Variants in NEDD4 observed in about 807,000 individuals in gnomAD.
NEDD4 encodes E3 ubiquitin-protein ligase NEDD4.
Under a neutral mutation model 144.9 loss-of-function variants are expected in NEDD4, and 99 were observed. The observed-to-expected ratio is 0.68, with a 90% CI of 0.58 to 0.81. The LOEUF is 0.81. NEDD4 is among the 30% of genes least tolerant of loss of function. NEDD4 has a pLI of 0.00. For synonymous variants in NEDD4, 318 were observed against 350.6 expected (o/e 0.91, Z 1.04); for missense variants, 985 against 1,065.9 (o/e 0.92, Z 1.06).
At chr15:55,986,754 T>A (rs1310968227) in intron 1 of NEDD4, among the ~76,000 whole-genome samples, 1 of 86,496 alleles carries the variant, frequency 1.2e-5, no homozygotes, top group African/African-American at 6.7e-5. Flanking sequence ...CACACCCGGC[T>A]AATTTTTTTT....
chr15:55,905,102 A>AAG, intron 5 of NEDD4: 2 of 324,386 alleles, frequency 6.2e-6, no homozygotes, highest in Non-Finnish European at 6.0e-6. Flanking sequence ...CAAAAAAAAA[A>AAG]AAAAGAAAAG....
intron 4 of NEDD4, among the ~76,000 whole-genome samples, chr15:55,926,462 T>G (rs1184624055): frequency 6.6e-6 from 1 of 151,932 alleles, no homozygotes; most frequent in Non-Finnish European, 1.5e-5. Flanking sequence ...CTAGACAACA[T>G]GGGGAGGGAA....
At chr15:55,890,570 C>G (rs572031584) in intron 5 of NEDD4, among the ~76,000 whole-genome samples, 5 of 152,186 alleles carry the variant, frequency 3.3e-5, no homozygotes, top group African/African-American at 1.2e-4. Flanking sequence ...TTTTATTTAT[C>G]CATTTTTCAG....
At chr15:55,894,887 A>C (rs867907258) in intron 5 of NEDD4, among the ~76,000 whole-genome samples, 4 of 152,338 alleles carry the variant, frequency 2.6e-5, no homozygotes, top group South Asian at 4.1e-4. Context: ...TTCTAAAGTT[A>C]AAATGTAATA....
chr15:55,844,276 TAAG>T (rs1456530578), intron 18 of NEDD4, among the ~76,000 whole-genome samples: 1 of 152,080 alleles, frequency 6.6e-6, no homozygotes, highest in Non-Finnish European at 1.5e-5. Context: ...TGAATGCAGT[TAAG>T]AAGAGAGTTT....
intron 13 of NEDD4, among the ~76,000 whole-genome samples, chr15:55,851,638 G>A (rs1393086831): frequency 6.6e-6 from 1 of 151,826 alleles, no homozygotes; most frequent in Non-Finnish European, 1.5e-5. Context: ...CACCACGCCT[G>A]GCTAATTTTT....
chr15:55,909,869 G>A (rs912003784), intron 5 of NEDD4, among the ~76,000 whole-genome samples: 1 of 152,128 alleles, frequency 6.6e-6, no homozygotes, highest in East Asian at 1.9e-4. Context: ...GCTCTATTTT[G>A]TCTCGTCTTA....
At position 55,850,580 on chromosome 15, in the gene NEDD4, G is replaced by C; in HGVS notation, c.1309C>G (p.Pro437Ala). The C allele has an allele frequency of 6.2e-7, 1 of 1,614,108 alleles. No individual in the cohort carries two copies. Among genetic ancestry groups the C allele is most frequent in the Non-Finnish European group, 8.5e-7 (1 of 1,180,022 alleles). Reference sequence around the variant, plus strand: ...TTAGTGTTGTGGTCAATAAAGAAAGGCCTCCCATTTGGTGCATGCCGGACT... The same window carrying C: ...TTAGTGTTGTGGTCAATAAAGAAAGCCCTCCCATTTGGTGCATGCCGGACT... ...WEVRHAPNGR[P>A]FFIDHNTKTT... The change falls in exon 14 of 29, where the codon CCT becomes GCT. Residue 437 changes from proline to alanine, a missense_variant. Pro to Ala is a conservative substitution (Grantham distance 27, BLOSUM62 -1). Coordinates refer to ENST00000435532, the MANE Select transcript of NEDD4 (RefSeq NM_006154.4).
At chr15:55,975,498 A>C (rs2037684076) in intron 1 of NEDD4, among the ~76,000 whole-genome samples, 1 of 152,198 alleles carries the variant, frequency 6.6e-6, no homozygotes. Context: ...ACAATCTGAA[A>C]AAGAAATCAA....
At chr15:55,857,534 G>A (rs1354619591) in intron 11 of NEDD4, among the ~76,000 whole-genome samples, 3 of 152,074 alleles carry the variant, frequency 2.0e-5, no homozygotes, top group Non-Finnish European at 4.4e-5. Context: ...TGTTGGCCAG[G>A]CTGGTCTCGA....
At chr15:55,881,649 A>G (rs1432253049) in intron 5 of NEDD4, among the ~76,000 whole-genome samples, 6 of 152,192 alleles carry the variant, frequency 3.9e-5, no homozygotes, top group African/African-American at 1.4e-4. Context: ...ACAAAAACAA[A>G]AACAACTTTT....
At chr15:55,943,229 G>A (rs1198836183) in intron 4 of NEDD4, among the ~76,000 whole-genome samples, 2 of 152,262 alleles carry the variant, frequency 1.3e-5, no homozygotes, top group Non-Finnish European at 2.9e-5. Flanking sequence ...GCCTGATCAT[G>A]TGGTAGAAAA....
At chr15:55,920,617 GATGACTA>G (rs1287018748) in intron 5 of NEDD4, among the ~76,000 whole-genome samples, 2 of 152,196 alleles carry the variant, frequency 1.3e-5, no homozygotes, top group Admixed American at 1.3e-4. Context: ...ACGTTTTCCA[GATGACTA>G]AAGTTGTTTC....
intron 5 of NEDD4, among the ~76,000 whole-genome samples, chr15:55,895,996 G>A (rs1476122008): frequency 4.6e-5 from 7 of 152,260 alleles, no homozygotes; most frequent in African/African-American, 1.7e-4. Context: ...AGACTGGTGA[G>A]GACCACATTT....
chr15:55,976,355 G>C (rs1395533931), intron 1 of NEDD4, among the ~76,000 whole-genome samples: 1 of 152,090 alleles, frequency 6.6e-6, no homozygotes, highest in Admixed American at 6.6e-5. Flanking sequence ...GAAAATATAT[G>C]AAGCTCAAAC....
intron 1 of NEDD4, among the ~76,000 whole-genome samples, chr15:55,967,049 G>C (rs1390396270): frequency 6.6e-6 from 1 of 151,494 alleles, no homozygotes; most frequent in African/African-American, 2.4e-5. Flanking sequence ...ACCATGCCCA[G>C]ATAATTTTTC....
chr15:55,850,579 G>T lies in NEDD4; in HGVS notation c.1310C>A (p.Pro437His), dbSNP rs747918878. The change falls in exon 14 of 29, where the codon CCT (proline) becomes CAT (histidine). Residue 437 changes from proline to histidine, a missense_variant. Coordinates refer to ENST00000435532, the MANE Select transcript of NEDD4 (RefSeq NM_006154.4). ...TTTAGTGTTGTGGTCAATAAAGAAA[G>T]GCCTCCCATTTGGTGCATGCCGGAC... ...WEVRHAPNGR[P>H]FFIDHNTKTT... 1 of 1,614,136 alleles carries T rather than the reference G, an allele frequency of 6.2e-7. No individual in the cohort carries two copies. The highest frequency in any genetic ancestry group is 8.5e-7 in the Non-Finnish European group (1 of 1,180,000).
chr15:55,922,944 C>G (rs1335610570), intron 5 of NEDD4, among the ~76,000 whole-genome samples: 1 of 152,076 alleles, frequency 6.6e-6, no homozygotes, highest in East Asian at 1.9e-4. Flanking sequence ...CACACAAAAA[C>G]TCCACCAATA....
intron 4 of NEDD4, among the ~76,000 whole-genome samples, chr15:55,933,531 G>C: frequency 7.6e-6 from 1 of 131,442 alleles, no homozygotes; most frequent in South Asian, 3.0e-4. Flanking sequence ...GCCTGTCGTG[G>C]GGTGGGGGGA....
Sources: gnomAD v4.1 joint callset for allele counts (sites outside exome capture counted in the v4.1 genomes callset) on GRCh38, gnomAD v4.1.1 for gene constraint, MANE v1.5 for transcripts, NCBI Gene and HGNC (gene_info 2026-07-23, HGNC 2026-07-21) for gene names.